The following SIMC1 variants were observed in gnomAD, a reference collection of about 807,000 sequenced individuals.
SIMC1 encodes SUMO interacting motifs containing 1.
Under a neutral mutation model 82.3 loss-of-function variants are expected in SIMC1, and 55 were observed. That is an observed-to-expected ratio of 0.67 (90% CI 0.54 to 0.84). The LOEUF is 0.84. Among genes scored for constraint, SIMC1 ranks in the 40% least tolerant of loss-of-function variants. The pLI is 0.00. For synonymous variants in SIMC1, 353 were observed against 426.3 expected, an observed-to-expected ratio of 0.83 and a Z score of 2.12; for missense variants, 915 against 1,107.2, an observed-to-expected ratio of 0.83 and a Z score of 2.46.
At chr5:176,251,163 C>T (rs1373265074) in intron 1 of SIMC1, among the ~76,000 whole-genome samples, 3 of 152,060 alleles carry the variant, frequency 2.0e-5, no homozygotes, top group African/African-American at 7.2e-5. Context: ...AGATCGAGAC[C>T]ATCCTGGGCA....
chr5:176,308,286 G>T, intron 4 of SIMC1: 1 of 1,472,760 alleles, frequency 6.8e-7, no homozygotes, highest in South Asian at 1.1e-5. Context: ...GTTCACATTC[G>T]TTCTGTCATC....
intron 1 of SIMC1, among the ~76,000 whole-genome samples, chr5:176,277,566 G>T (rs531183181): frequency 3.3e-5 from 5 of 152,092 alleles, no homozygotes; most frequent in Admixed American, 3.3e-4. Context: ...TTCTTCTAGG[G>T]TTTTTATAGT....
At chr5:176,308,359 C>A in intron 4 of SIMC1, 1 of 1,546,508 alleles carries the variant, frequency 6.5e-7, no homozygotes, top group South Asian at 1.1e-5. Context: ...CAGCTGTCTG[C>A]AGCTTCAACA....
chr5:176,253,006 G>A lies in SIMC1; in HGVS notation c.129+14369G>A, dbSNP rs56389738. 6.0e-3 allele frequency among the ~76,000 whole-genome samples: 919 copies of A among 152,308 alleles called. 12 individuals are homozygous for A. Among genetic ancestry groups the A allele is most frequent in the Non-Finnish European group, 9.5e-3 (646 of 68,014 alleles). Reference sequence around the variant, plus strand: ...AATACGAAAACCAGTCAGGCGTGGCGCGCGCGCCTGCAATCGCAGGCACTC... The same window carrying A: ...AATACGAAAACCAGTCAGGCGTGGCACGCGCGCCTGCAATCGCAGGCACTC... On this transcript the variant is annotated intron_variant, in intron 1 of 9. Coordinates refer to ENST00000429602, the MANE Select transcript of SIMC1 (RefSeq NM_001308195.2).
chr5:176,318,020 G>A (rs1764993825), intron 5 of SIMC1, among the ~76,000 whole-genome samples: 2 of 152,204 alleles, frequency 1.3e-5, no homozygotes, highest in Admixed American at 6.5e-5. Context: ...CCTTCTAGAG[G>A]TTTCCCATTG....
At chr5:176,250,719 CCTT>C (rs1761621870) in intron 1 of SIMC1, among the ~76,000 whole-genome samples, 1 of 152,094 alleles carries the variant, frequency 6.6e-6, no homozygotes, top group Non-Finnish European at 1.5e-5. Context: ...TATGTAATGG[CCTT>C]CTTTGTCTAT....
intron 1 of SIMC1, among the ~76,000 whole-genome samples, chr5:176,267,746 T>C (rs1762257227): frequency 1.0e-5 from 1 of 95,586 alleles, no homozygotes. Context: ...TTTTTTTTTT[T>C]TTTTTTTTTT....
intron 1 of SIMC1, among the ~76,000 whole-genome samples, chr5:176,271,157 C>T (rs1183060151): frequency 3.3e-5 from 5 of 152,086 alleles, no homozygotes; most frequent in Admixed American, 6.5e-5. Context: ...GTCAGGAGTT[C>T]GAGACCAGCC....
intron 4 of SIMC1, among the ~76,000 whole-genome samples, chr5:176,306,825 T>TAA (rs1463794887): frequency 6.6e-6 from 1 of 151,606 alleles, no homozygotes; most frequent in Non-Finnish European, 1.5e-5. Flanking sequence ...TTTGTTCACT[T>TAA]GTTTATCTGC....
intron 9 of SIMC1, 69 bp downstream of exon 9, chr5:176,337,215 C>A: frequency 8.0e-7 from 1 of 1,250,160 alleles, no homozygotes; most frequent in Non-Finnish European, 1.2e-6. Context: ...GTCATAACTA[C>A]ACAGGATATT....
chr5:176,324,811 A>G, intron 7 of SIMC1, 54 bp downstream of exon 7: 3 of 1,488,910 alleles, frequency 2.0e-6, no homozygotes, highest in Non-Finnish European at 2.7e-6. Context: ...AACAAAAAAA[A>G]CTCTTGGAAA....
At chr5:176,288,077 C>G (rs1437174210) in intron 1 of SIMC1, among the ~76,000 whole-genome samples, 1 of 152,124 alleles carries the variant, frequency 6.6e-6, no homozygotes, top group Non-Finnish European at 1.5e-5. Context: ...GCAAACATTC[C>G]TAGGCCCTAG....
chr5:176,324,211 A>G (rs1171928003), intron 6 of SIMC1, among the ~76,000 whole-genome samples: 1 of 152,184 alleles, frequency 6.6e-6, no homozygotes, highest in Non-Finnish European at 1.5e-5. Flanking sequence ...AGAAAACTGT[A>G]TGGCAAATAC....
intron 2 of SIMC1, among the ~76,000 whole-genome samples, chr5:176,294,605 A>C (rs375230858): frequency 4.3e-4 from 65 of 150,590 alleles, no homozygotes; most frequent in African/African-American, 1.6e-3. Context: ...ATCATGAAAT[A>C]TTTCAAATGC....
At chr5:176,256,442 C>T (rs1173096320) in intron 1 of SIMC1, among the ~76,000 whole-genome samples, 2 of 152,166 alleles carry the variant, frequency 1.3e-5, no homozygotes, top group Non-Finnish European at 2.9e-5. Context: ...CCATGATATA[C>T]TCAGACCTTC....
chr5:176,335,519 C>T (rs1188600036), intron 7 of SIMC1, among the ~76,000 whole-genome samples: 1 of 151,550 alleles, frequency 6.6e-6, no homozygotes, highest in Non-Finnish European at 1.5e-5. Flanking sequence ...CTCAGGCAGT[C>T]CACCCGCCTC....
At chr5:176,307,021 G>A (rs1420905314) in intron 4 of SIMC1, among the ~76,000 whole-genome samples, 1 of 152,144 alleles carries the variant, frequency 6.6e-6, no homozygotes, top group African/African-American at 2.4e-5. Flanking sequence ...CTCCAAAGAT[G>A]ATATGGAAAT....
intron 1 of SIMC1, among the ~76,000 whole-genome samples, chr5:176,279,127 A>C (rs1039180522): frequency 2.6e-5 from 4 of 152,096 alleles, no homozygotes; most frequent in Admixed American, 6.6e-5. Flanking sequence ...ACAATTTCAG[A>C]TCCTGTTATT....
intron 4 of SIMC1, among the ~76,000 whole-genome samples, chr5:176,298,435 G>A (rs1330638759): frequency 6.6e-6 from 1 of 152,118 alleles, no homozygotes; most frequent in Non-Finnish European, 1.5e-5. Context: ...GGAGTTCGAG[G>A]CCAGCTCAGC....
Sources: allele counts gnomAD v4.1 joint callset (sites outside exome capture counted in the v4.1 genomes callset), GRCh38; gene constraint gnomAD v4.1.1; transcripts MANE v1.5; gene names NCBI Gene and HGNC (gene_info 2026-07-23, HGNC 2026-07-21).